Variants in SLC38A10 observed in about 807,000 individuals in gnomAD.
The protein encoded by SLC38A10 is Sodium-coupled neutral amino acid transporter 10.
In SLC38A10, 53 loss-of-function variants were observed where a neutral mutation model predicts 81.0. The observed-to-expected ratio is 0.65, with a 90% CI of 0.53 to 0.82. The LOEUF is 0.82. Ranked by LOEUF, SLC38A10 falls within the 40% of genes least tolerant of loss-of-function variation. The probability of loss-of-function intolerance (pLI) is 0.00; values close to 1 mark genes in which losing one functional copy is unlikely to be tolerated. For missense variants in SLC38A10, 1,471 were observed against 1,545.0 expected (o/e 0.95, Z 0.80); for synonymous variants, 665 against 655.3 (o/e 1.01, Z -0.23).
At chr17:81,258,339 G>A (rs977860461) in intron 11 of SLC38A10, among the ~76,000 whole-genome samples, 4 of 152,108 alleles carry the variant, frequency 2.6e-5, no homozygotes, top group South Asian at 2.1e-4. Context: ...TCAGAGACAC[G>A]CTAAAAACAA....
chr17:81,246,749 GCAA>G (rs905744795), intron 15 of SLC38A10, 76 bp from the exon 16 acceptor site: 3 of 1,499,302 alleles, frequency 2.0e-6, no homozygotes, highest in Non-Finnish European at 2.7e-6. Flanking sequence ...AGAAGAACCA[GCAA>G]CAACAGCATT....
intron 11 of SLC38A10, among the ~76,000 whole-genome samples, chr17:81,259,042 G>A (rs1408211755): frequency 6.6e-6 from 1 of 152,258 alleles, no homozygotes; most frequent in Non-Finnish European, 1.5e-5. Context: ...TTTGTATGAG[G>A]TGACAACGCT....
chr17:81,256,386 C>T (rs559128063), intron 11 of SLC38A10, among the ~76,000 whole-genome samples: 7 of 152,318 alleles, frequency 4.6e-5, no homozygotes, highest in Non-Finnish European at 1.0e-4. Flanking sequence ...CCAGCACGGA[C>T]GGGCGGGGAG....
At position 81,253,766 on chromosome 17, in the gene SLC38A10, C is replaced by T. The variant is rs1397662607; in HGVS notation, c.1289-526G>A. 8.9e-6 allele frequency among the ~76,000 whole-genome samples: 1 copy of T among 112,080 alleles called. No individual in the cohort carries two copies. The highest frequency in any genetic ancestry group is 3.1e-5 in the African/African-American group (1 of 31,980). 73.5% of individuals were successfully genotyped at this position (112,080 alleles called of 152,430 possible). A position where few individuals can be genotyped will look rare whatever the true frequency, so the allele number is the denominator to read the frequency against. On this transcript the variant is annotated intron_variant, in intron 11 of 15. Coordinates refer to ENST00000374759, the MANE Select transcript of SLC38A10 (RefSeq NM_001037984.3). This position sits in a 1 kb window ranked among gnomAD's most constrained non-coding sequence, Gnocchi z 4.1. ...ACCATCACCATCATCATCACCGTCACCATCATCACCATCTCCATCCCTACC... is the reference window on the plus strand; with the variant it reads ...ACCATCACCATCATCATCACCGTCATCATCATCACCATCTCCATCCCTACC...
chr17:81,245,970 GT>G lies in SLC38A10; in HGVS notation c.2945del (p.His982ProfsTer4). ...QQGHRLDHGG[H>X]LEMRKARGGD... ...CCCCGCGGGCCTTTCTCATCTCCAGGTGACCGCCATGGTCCAGCCGGTGGCC... is the reference window on the plus strand; with the variant it reads ...CCCCGCGGGCCTTTCTCATCTCCAGGGACCGCCATGGTCCAGCCGGTGGCC... On this transcript the variant is annotated frameshift_variant, in exon 16 of 16. Transcript: ENST00000374759. LOFTEE classifies it low-confidence loss of function (END_TRUNC). 1 of 1,604,336 alleles carries G rather than the reference GT, an allele frequency of 6.2e-7. No individual in the cohort carries two copies. The highest frequency in any genetic ancestry group is 8.5e-7 in the Non-Finnish European group (1 of 1,174,444).
chr17:81,274,367 A>AGCCAATG (rs1368960407), intron 8 of SLC38A10, among the ~76,000 whole-genome samples: 1 of 152,242 alleles, frequency 6.6e-6, no homozygotes, highest in Non-Finnish European at 1.5e-5. Context: ...ATGGACAGTG[A>AGCCAATG]GCCAATGCTA....
chr17:81,275,561 A>G lies in SLC38A10; in HGVS notation c.912+408T>C, dbSNP rs946090231. Among the ~76,000 whole-genome samples the G allele has an allele frequency of 6.6e-5, 10 of 150,802 alleles. No homozygotes were observed. In the East Asian group the frequency reaches 1.6e-3, roughly 23 times the overall value. On this transcript the variant is annotated intron_variant, in intron 8 of 15. Coordinates refer to ENST00000374759, the MANE Select transcript of SLC38A10 (RefSeq NM_001037984.3). ...ATCCTGGCTAACACGGTGAAACCCC[A>G]TCTCTACTAAAAATACAAAAATTAG...
chr17:81,261,155 C>T (rs530513320), intron 10 of SLC38A10, among the ~76,000 whole-genome samples: 3 of 152,358 alleles, frequency 2.0e-5, no homozygotes, highest in Admixed American at 2.0e-4. Flanking sequence ...CCCGGCCAAT[C>T]GTAAGCATCA....
chr17:81,266,697 A>G (rs915280894), intron 10 of SLC38A10, among the ~76,000 whole-genome samples: 6 of 152,238 alleles, frequency 3.9e-5, no homozygotes, highest in African/African-American at 1.4e-4. Flanking sequence ...AGTGCAGCCA[A>G]CAGCCACCTG....
In SLC38A10 at chr17:81,283,311, G is replaced by A. The variant is rs1330178824; in HGVS notation, c.357+98C>T. 3.1e-5 allele frequency: 34 copies of A among 1,108,720 alleles called. No individual in the cohort carries two copies. In the Middle Eastern group the frequency reaches 8.0e-4, roughly 26 times the overall value. 68.7% of individuals were successfully genotyped at this position (1,108,720 alleles called of 1,614,324 possible). A position where few individuals can be genotyped will look rare whatever the true frequency, so the allele number is the denominator to read the frequency against. ...AGCAGGCTCGACAGAAGCTTCTCCC[G>A]ACCAGCACCCAGGTCTCGGTCCTCG... On this transcript the variant is annotated intron_variant, in intron 4 of 15. Coordinates refer to ENST00000374759, the MANE Select transcript of SLC38A10 (RefSeq NM_001037984.3). This position sits in a 1 kb window ranked among gnomAD's most constrained non-coding sequence, Gnocchi z 4.7.
intron 11 of SLC38A10, among the ~76,000 whole-genome samples, chr17:81,259,590 C>A (rs921199235): frequency 2.0e-5 from 3 of 152,170 alleles, no homozygotes; most frequent in African/African-American, 7.2e-5. Context: ...GCCACCCAGG[C>A]CACGGAGCTG....
intron 8 of SLC38A10, among the ~76,000 whole-genome samples, chr17:81,274,369 C>T (rs1165461383): frequency 6.6e-6 from 1 of 152,224 alleles, no homozygotes; most frequent in Non-Finnish European, 1.5e-5. Flanking sequence ...GGACAGTGAG[C>T]CAATGCTATC....
rs902823727 is a variant in SLC38A10 at position 81,245,192 on chromosome 17, G to A, written c.*364C>T. 2.1e-5 allele frequency: 5 copies of A among 243,272 alleles called. No homozygotes were observed. The highest frequency in any genetic ancestry group is 9.0e-5 in the African/African-American group (4 of 44,318). 15.1% of individuals were successfully genotyped at this position (243,272 alleles called of 1,614,324 possible). A position where few individuals can be genotyped will look rare whatever the true frequency, so the allele number is the denominator to read the frequency against. ...CGGCCGAGCTCAACCCGAAGACCACGCGTGCTCCCTGGCAGGAGCAGGAGG... is the reference window on the plus strand; with the variant it reads ...CGGCCGAGCTCAACCCGAAGACCACACGTGCTCCCTGGCAGGAGCAGGAGG... On this transcript the variant is annotated 3_prime_UTR_variant, in exon 16 of 16. Transcript: ENST00000374759.
Position 81,289,678 on chromosome 17 carries a change from G to C in SLC38A10, c.217+13C>G. The C allele has an allele frequency of 1.3e-6, 2 of 1,597,452 alleles. No homozygotes were observed. Among genetic ancestry groups the C allele is most frequent in the Non-Finnish European group, 1.7e-6 (2 of 1,173,390 alleles). On this transcript the variant is annotated intron_variant, in intron 2 of 15. Coordinates refer to ENST00000374759, the MANE Select transcript of SLC38A10 (RefSeq NM_001037984.3). The surrounding 1 kb of genome is among the most constrained non-coding windows in gnomAD (Gnocchi z 5.9). ...CCCAGGTCCAGAGCCACCTTGTGGA[G>C]AGGGCGCCTCACCCAGGCCGGCGTA...
At chr17:81,251,867 G>A (rs1313879235) in intron 13 of SLC38A10, 5 of 530,976 alleles carry the variant, frequency 9.4e-6, no homozygotes, top group East Asian at 3.2e-5. Context: ...ACTGTCCTAA[G>A]CAGCTCTTAG....
chr17:81,245,783 C>G lies in SLC38A10; in HGVS notation c.3133G>C (p.Ala1045Pro), dbSNP rs781378974. ...AKPNRDLKLQ[A>P]GSDLRRRRRD... ...CGTCGCCTCCGGAGGTCGGAGCCAG[C>G]CTGCAGTTTCAGGTCCCGGTTGGGC... Residue 1045 changes from alanine to proline, a missense_variant, in exon 16 of 16, where the codon GCT becomes CCT. By Grantham distance (27) the Ala-to-Pro change is conservative (BLOSUM62 -1). Coordinates refer to ENST00000374759, the MANE Select transcript of SLC38A10 (RefSeq NM_001037984.3). The G allele has an allele frequency of 6.3e-7, 1 of 1,599,800 alleles. No individual in the cohort carries two copies. Among genetic ancestry groups the G allele is most frequent in the Non-Finnish European group, 8.5e-7 (1 of 1,169,994 alleles).
At chr17:81,249,309 GA>G (rs1411291463) in intron 14 of SLC38A10, among the ~76,000 whole-genome samples, 16 of 29,092 alleles carry the variant, frequency 5.5e-4, no homozygotes, top group Non-Finnish European at 7.0e-4. Flanking sequence ...GGAAGAGGAG[GA>G]AGGAGGGAAG....
In SLC38A10 at chr17:81,280,802, C is replaced by T. The variant is rs899250326; in HGVS notation, c.502-69G>A. On this transcript the variant is annotated intron_variant, in intron 5 of 15. Transcript: ENST00000374759. Reference sequence around the variant, plus strand: ...AGGCGGGACTCAGCATCCCGGCCCACGCGCCGCTAGGAAGGAGTGGCAGGA... The same window carrying T: ...AGGCGGGACTCAGCATCCCGGCCCATGCGCCGCTAGGAAGGAGTGGCAGGA... 3.4e-5 allele frequency: 52 copies of T among 1,535,458 alleles called. No homozygotes were observed. The Admixed American group carries it at 3.4e-4, about 10-fold the overall frequency.
chr17:81,252,077 C>T (rs1172884677), intron 13 of SLC38A10, 118 bp downstream of exon 13: 1 of 1,395,236 alleles, frequency 7.2e-7, no homozygotes, highest in Non-Finnish European at 9.5e-7. Context: ...GCATGCTAAT[C>T]TGGTGCAGGG....
Sources: gnomAD v4.1 joint callset for allele counts (sites outside exome capture counted in the v4.1 genomes callset) on GRCh38, gnomAD v4.1.1 for gene constraint, Gnocchi (gnomAD v3.1) non-coding constraint, MANE v1.5 for transcripts, NCBI Gene and HGNC (gene_info 2026-07-23, HGNC 2026-07-21) for gene names.